The following EFCAB10 variants were observed in gnomAD, a reference collection of about 807,000 sequenced individuals.
The protein encoded by EFCAB10 is EF-hand calcium-binding domain-containing protein 10.
EFCAB10 carries 7 observed loss-of-function variants against 7.7 expected under a neutral mutation model. The ratio of observed to expected loss-of-function variants is 0.91; its 90% CI spans 0.52 to 1.72. The LOEUF is 1.72. Among genes scored for constraint, EFCAB10 ranks in the 40% most tolerant of loss-of-function variants. EFCAB10 has a pLI of 0.00. For missense variants in EFCAB10, 112 were observed against 61.5 expected (o/e 1.82, Z -2.74); for synonymous variants, 52 against 21.0 (o/e 2.47, Z -4.03).
chr7:105,571,052 C>T (rs1042622574), intron 1 of EFCAB10: 1 of 151,968 alleles, frequency 6.6e-6, no homozygotes, highest in African/African-American at 2.4e-5. Flanking sequence ...TTTTAAGTTA[C>T]ATCATTACTG....
chr7:105,581,454 T>C lies in EFCAB10; in HGVS notation c.10A>G (p.Ser4Gly), dbSNP rs1214691504. 11 of 703,164 alleles carry C rather than the reference T, an allele frequency of 1.6e-5. No individual in the cohort carries two copies. The highest frequency in any genetic ancestry group is 1.2e-4 in the Admixed American group (6 of 50,024). 43.6% of individuals were successfully genotyped at this position (703,164 alleles called of 1,614,324 possible). Reference sequence around the variant, plus strand: ...TCCGCGGCTTGGAGCTCCCTGCTGCTGGTCTCCATCGCTCCGCGTCCCGCT... The same window carrying C: ...TCCGCGGCTTGGAGCTCCCTGCTGCCGGTCTCCATCGCTCCGCGTCCCGCT... METSSRELQAAEYL... is the reference protein window; with the variant it reads METGSRELQAAEYL... The change falls in exon 1 of 5, where the codon AGC becomes GGC. Residue 4 changes from serine (S) to glycine (G), a missense_variant. Transcript: ENST00000480514.
chr7:105,566,995 A>AAATATTTTTATAGAGAACATGTGGACC, intron 4 of EFCAB10: 1 of 500,502 alleles, frequency 2.0e-6, no homozygotes, highest in East Asian at 3.3e-5. Context: ...ATAAATCCAT[A>AAATATTTTTATAGAGAACATGTGGACC]AATATTTTTA....
At chr7:105,579,852 T>C (rs1016541671) in intron 1 of EFCAB10, among the ~76,000 whole-genome samples, 1 of 152,238 alleles carries the variant, frequency 6.6e-6, no homozygotes, top group Non-Finnish European at 1.5e-5. Flanking sequence ...TTATAAGCTT[T>C]GGAGTACTTT....
chr7:105,567,464 G>C lies in EFCAB10; in HGVS notation c.383+3C>G. 1 of 719,868 alleles carries C rather than the reference G, an allele frequency of 1.4e-6. No individual in the cohort carries two copies. Among genetic ancestry groups the C allele is most frequent in the South Asian group, 1.5e-5 (1 of 66,928 alleles). 44.6% of individuals were successfully genotyped at this position (719,868 alleles called of 1,614,324 possible). A position where few individuals can be genotyped will look rare whatever the true frequency, so the allele number is the denominator to read the frequency against. ...GGATTTATGGTGTTATTAAAATGCT[G>C]ACCATATTTCCTTCATCCTCTTGTT... is the stretch of plus-strand genomic sequence containing the variant. On this transcript the variant is annotated splice_donor_region_variant and intron_variant, in intron 4 of 4. Coordinates refer to ENST00000480514, the MANE Select transcript of EFCAB10 (RefSeq NM_001355526.2).
chr7:105,576,025 G>A (rs1047090107), intron 1 of EFCAB10, among the ~76,000 whole-genome samples: 2 of 151,990 alleles, frequency 1.3e-5, no homozygotes, highest in Non-Finnish European at 2.9e-5. Flanking sequence ...CAACAAGAGC[G>A]AAACTCCGTC....
intron 3 of EFCAB10, among the ~76,000 whole-genome samples, chr7:105,568,952 G>A (rs1791863852): frequency 8.1e-6 from 1 of 122,882 alleles, no homozygotes. Context: ...TCCATCTCAG[G>A]GAAAAAAAAA....
chr7:105,568,509 T>C (rs1360743752), intron 3 of EFCAB10, among the ~76,000 whole-genome samples: 4 of 152,202 alleles, frequency 2.6e-5, no homozygotes, highest in Admixed American at 6.5e-5. Context: ...TGAGGAAATA[T>C]TTTGAGATAG....
intron 1 of EFCAB10, among the ~76,000 whole-genome samples, chr7:105,576,743 C>T (rs1028938231): frequency 2.0e-5 from 3 of 152,092 alleles, no homozygotes; most frequent in African/African-American, 7.2e-5. Context: ...CGCGCCTAGC[C>T]GGAATTCTCA....
At chr7:105,569,383 C>T (rs918054949) in intron 2 of EFCAB10, 24 bp downstream of exon 2, 1 of 696,116 alleles carries the variant, frequency 1.4e-6, no homozygotes, top group African/African-American at 1.8e-5. Flanking sequence ...CAAACTATTA[C>T]CTCAATTTGT....
At chr7:105,580,518 C>A (rs570826042) in intron 1 of EFCAB10, among the ~76,000 whole-genome samples, 1 of 151,876 alleles carries the variant, frequency 6.6e-6, no homozygotes, top group African/African-American at 2.4e-5. Context: ...CTCGCTTTGT[C>A]GCCCAGGCTG....
chr7:105,580,705 C>T (rs1792206415), intron 1 of EFCAB10, among the ~76,000 whole-genome samples: 1 of 152,040 alleles, frequency 6.6e-6, no homozygotes, highest in African/African-American at 2.4e-5. Flanking sequence ...ACAATTTTGG[C>T]ATTTCGGACG....
intron 1 of EFCAB10, among the ~76,000 whole-genome samples, chr7:105,579,603 T>C (rs1031813550): frequency 2.0e-5 from 3 of 152,348 alleles, no homozygotes; most frequent in East Asian, 3.9e-4. Flanking sequence ...AAAATTGTGA[T>C]CTAAATTTAT....
At chr7:105,581,334 G>A in intron 1 of EFCAB10, 24 bp downstream of exon 1, 1 of 702,738 alleles carries the variant, frequency 1.4e-6, no homozygotes, top group Non-Finnish European at 2.6e-6. Context: ...AGGTATGGCT[G>A]TACCGGGGCA....
intron 1 of EFCAB10, among the ~76,000 whole-genome samples, chr7:105,578,449 T>C (rs1792140530): frequency 6.6e-6 from 1 of 152,106 alleles, no homozygotes; most frequent in Non-Finnish European, 1.5e-5. Flanking sequence ...CAGAAAGATA[T>C]AGGTAAGGAA....
chr7:105,569,168 T>A (rs1247704655), intron 3 of EFCAB10, 35 bp downstream of exon 3: 1 of 698,470 alleles, frequency 1.4e-6, no homozygotes, highest in Non-Finnish European at 2.6e-6. Context: ...TCATGCCACC[T>A]TATTAAAATA....
At chr7:105,566,682 G>C (rs1472613726) in intron 4 of EFCAB10, 1 of 151,848 alleles carries the variant, frequency 6.6e-6, no homozygotes, top group African/African-American at 2.4e-5. Context: ...GGTTTTGTGA[G>C]GTTATAAAGC....
At chr7:105,577,912 G>C (rs762224120) in intron 1 of EFCAB10, among the ~76,000 whole-genome samples, 3 of 152,038 alleles carry the variant, frequency 2.0e-5, no homozygotes, top group African/African-American at 2.4e-5. Context: ...GCATTTCACT[G>C]TGCCACCATA....
At chr7:105,577,619 C>G (rs1792112549) in intron 1 of EFCAB10, among the ~76,000 whole-genome samples, 1 of 152,018 alleles carries the variant, frequency 6.6e-6, no homozygotes, top group Non-Finnish European at 1.5e-5. Context: ...TCCTGAAGTT[C>G]ACTCAGATCA....
At chr7:105,568,029 A>G (rs1253174543) in intron 3 of EFCAB10, among the ~76,000 whole-genome samples, 1 of 152,174 alleles carries the variant, frequency 6.6e-6, no homozygotes, top group African/African-American at 2.4e-5. Context: ...GAGATGGTGA[A>G]TAAGATAGGA....
Sources: allele counts gnomAD v4.1 joint callset (sites outside exome capture counted in the v4.1 genomes callset), GRCh38; gene constraint gnomAD v4.1.1; transcripts MANE v1.5; gene names NCBI Gene and HGNC (gene_info 2026-07-23, HGNC 2026-07-21).